KSR2: variants seen among roughly 807,000 people sequenced by gnomAD.
KSR2 encodes kinase suppressor of ras 2.
A neutral mutation model predicts 107.8 loss-of-function variants in KSR2; 25 were observed. The observed-to-expected ratio is 0.23, with a 90% CI of 0.17 to 0.32. The LOEUF is 0.32. Among genes scored for constraint, KSR2 ranks in the 10% least tolerant of loss-of-function variants. The pLI is 1.00. For missense variants in KSR2, 887 were observed against 1,268.9 expected, an observed-to-expected ratio of 0.70 and a Z score of 4.57; for synonymous variants, 480 against 507.0, an observed-to-expected ratio of 0.95 and a Z score of 0.71.
chr12:117,499,588 C>G (rs1474467991), intron 14 of KSR2, among the ~76,000 whole-genome samples: 2 of 152,178 alleles, frequency 1.3e-5, no homozygotes, highest in Non-Finnish European at 2.9e-5. Flanking sequence ...CTGGCTGTTA[C>G]TCTGCGAGGA....
intron 1 of KSR2, among the ~76,000 whole-genome samples, chr12:117,903,516 T>G (rs1484513228): frequency 6.6e-6 from 1 of 152,248 alleles, no homozygotes; most frequent in Non-Finnish European, 1.5e-5. Flanking sequence ...AAATTCAAAT[T>G]TTACTGGGCT....
chr12:117,627,867 T>C (rs1203562121), intron 5 of KSR2, among the ~76,000 whole-genome samples: 1 of 152,242 alleles, frequency 6.6e-6, no homozygotes, highest in Non-Finnish European at 1.5e-5. Flanking sequence ...TCTATTCACA[T>C]AGTCCCATAT....
chr12:117,951,007 A>G (rs912299115), intron 1 of KSR2, among the ~76,000 whole-genome samples: 9 of 151,884 alleles, frequency 5.9e-5, no homozygotes, highest in Non-Finnish European at 1.0e-4. Context: ...TCCCGGATTC[A>G]TGCCATTCTC....
chr12:117,467,176 G>T lies in KSR2; in HGVS notation c.*23C>A. The T allele has an allele frequency of 1.4e-6, 1 of 709,112 alleles. No individual in the cohort carries two copies. 43.9% of individuals were successfully genotyped at this position (709,112 alleles called of 1,614,324 possible). On this transcript the variant is annotated 3_prime_UTR_variant, in exon 20 of 20. Transcript: ENST00000339824. ...GAGGTGACGGGAGCCCAGGCAGCTGGGCGCCGTCCCGATGTCCAAAGGTCA... is the reference window on the plus strand; with the variant it reads ...GAGGTGACGGGAGCCCAGGCAGCTGTGCGCCGTCCCGATGTCCAAAGGTCA...
chr12:117,467,761 T>C (rs1871226497), intron 19 of KSR2: 1 of 425,456 alleles, frequency 2.4e-6, no homozygotes, highest in East Asian at 7.2e-5. Context: ...ATTTATTTTG[T>C]TGACTGCTGT....
intron 5 of KSR2, among the ~76,000 whole-genome samples, chr12:117,666,350 A>C (rs1884658853): frequency 6.6e-6 from 1 of 152,230 alleles, no homozygotes; most frequent in Non-Finnish European, 1.5e-5. Context: ...AAAGTGTAAG[A>C]ACCCTTAGAT....
chr12:117,823,649 G>A (rs1201985615), intron 3 of KSR2, among the ~76,000 whole-genome samples: 1 of 152,206 alleles, frequency 6.6e-6, no homozygotes, highest in African/African-American at 2.4e-5. Flanking sequence ...GAGGTAGGAG[G>A]AAGACCAGGA....
chr12:117,922,877 T>G (rs1895384420), intron 1 of KSR2, among the ~76,000 whole-genome samples: 1 of 152,212 alleles, frequency 6.6e-6, no homozygotes, highest in Non-Finnish European at 1.5e-5. Context: ...CTCACTGAAA[T>G]TTATTTGTAA....
chr12:117,544,445 C>T (rs1172951832), intron 9 of KSR2, among the ~76,000 whole-genome samples: 1 of 151,950 alleles, frequency 6.6e-6, no homozygotes, highest in African/African-American at 2.4e-5. Flanking sequence ...TAGTGAAACC[C>T]CATCTCTACT....
chr12:117,525,282 T>C (rs1592955635), intron 13 of KSR2, 63 bp from the exon 14 acceptor site: 13 of 1,490,302 alleles, frequency 8.7e-6, no homozygotes, highest in African/African-American at 1.4e-5. Flanking sequence ...TCCCTCATGG[T>C]CCTGCTGGGT....
rs1877597402 is a variant in KSR2, at chr12:117,555,279, C to T, written c.1408G>A (p.Val470Ile). 1 of 1,613,834 alleles carries T rather than the reference C, an allele frequency of 6.2e-7. No homozygotes were observed. Among genetic ancestry groups the T allele is most frequent in the Admixed American group, 1.7e-5 (1 of 60,002 alleles). ...TCACACGGAACGGACTCTGTCCGGACTAACCTTGCTGGATCCGTAGGGGTA... is the reference window on the plus strand; with the variant it reads ...TCACACGGAACGGACTCTGTCCGGATTAACCTTGCTGGATCCGTAGGGGTA... Reference protein sequence around the residue: ...IIHRGDPARLVRTESVPCDIN... With the variant: ...IIHRGDPARLIRTESVPCDIN... The change falls in exon 9 of 20, where the codon GTC (valine) becomes ATC (isoleucine). Residue 470 changes from valine to isoleucine, a missense_variant. Coordinates refer to ENST00000339824, the MANE Select transcript of KSR2 (RefSeq NM_173598.6).
At chr12:117,813,828 G>T (rs1368762373) in intron 3 of KSR2, among the ~76,000 whole-genome samples, 2 of 152,172 alleles carry the variant, frequency 1.3e-5, no homozygotes, top group Non-Finnish European at 2.9e-5. Flanking sequence ...ACACTCTCAT[G>T]TTTATTGCAG....
intron 4 of KSR2, among the ~76,000 whole-genome samples, chr12:117,692,533 CAT>C (rs1265104999): frequency 7.5e-6 from 1 of 132,690 alleles, no homozygotes; most frequent in East Asian, 2.3e-4. Context: ...TACACACACA[CAT>C]ATATATACAC....
chr12:117,795,579 G>T (rs1238750991), intron 3 of KSR2, among the ~76,000 whole-genome samples: 1 of 152,204 alleles, frequency 6.6e-6, no homozygotes, highest in Non-Finnish European at 1.5e-5. Flanking sequence ...GGTTGCGACA[G>T]CTTCCTGGCA....
At chr12:117,684,931 G>A (rs1388481063) in intron 4 of KSR2, among the ~76,000 whole-genome samples, 1 of 152,204 alleles carries the variant, frequency 6.6e-6, no homozygotes, top group African/African-American at 2.4e-5. Context: ...CCATTTTACA[G>A]AGGTACCTGT....
intron 1 of KSR2, among the ~76,000 whole-genome samples, chr12:117,895,795 A>G (rs891022176): frequency 4.6e-5 from 7 of 152,246 alleles, no homozygotes; most frequent in African/African-American, 1.7e-4. Flanking sequence ...ATGGTGGCTC[A>G]TGCCTGTAAT....
intron 1 of KSR2, among the ~76,000 whole-genome samples, chr12:117,929,413 CTT>C (rs2137491424): frequency 6.6e-6 from 1 of 152,296 alleles, no homozygotes; most frequent in East Asian, 1.9e-4. Flanking sequence ...TTATTCTTCT[CTT>C]GTCTGCAGCC....
chr12:117,762,015 T>C (rs2136874829), intron 3 of KSR2, among the ~76,000 whole-genome samples: 1 of 152,350 alleles, frequency 6.6e-6, no homozygotes, highest in East Asian at 1.9e-4. Flanking sequence ...CCATCTCTAC[T>C]TGGCTCCTCC....
intron 4 of KSR2, among the ~76,000 whole-genome samples, chr12:117,722,115 C>T (rs1367583273): frequency 6.6e-6 from 1 of 151,980 alleles, no homozygotes; most frequent in Non-Finnish European, 1.5e-5. Context: ...TTCAAGTGAT[C>T]CTCCCGCCTC....
Sources: allele counts gnomAD v4.1 joint callset (sites outside exome capture counted in the v4.1 genomes callset), GRCh38; gene constraint gnomAD v4.1.1; transcripts MANE v1.5; gene names NCBI Gene and HGNC (gene_info 2026-07-23, HGNC 2026-07-21).